EDIL3: variants seen among roughly 807,000 people sequenced by gnomAD.
EDIL3 encodes the protein EGF-like repeat and discoidin I-like domain-containing protein 3.
Under a neutral mutation model 67.4 loss-of-function variants are expected in EDIL3, and 37 were observed. The observed-to-expected ratio is 0.55, with a 90% CI of 0.42 to 0.72. The LOEUF is 0.72. EDIL3 is among the 30% of genes least tolerant of loss of function. The pLI is 0.00. For missense variants in EDIL3, 527 were observed against 586.3 expected (o/e 0.90, Z 1.04); for synonymous variants, 195 against 196.3 (o/e 0.99, Z 0.05).
At chr5:84,232,698 T>C (rs931789173) in intron 2 of EDIL3, among the ~76,000 whole-genome samples, 1 of 152,178 alleles carries the variant, frequency 6.6e-6, no homozygotes, top group Non-Finnish European at 1.5e-5. Flanking sequence ...GCTTCCTTGA[T>C]ATGGGTAGAT....
At chr5:84,217,632 C>G (rs1410678139) in intron 3 of EDIL3, among the ~76,000 whole-genome samples, 2 of 151,694 alleles carry the variant, frequency 1.3e-5, no homozygotes, top group Non-Finnish European at 2.9e-5. Flanking sequence ...CCTCTTTGCC[C>G]TACACATTTT....
intron 3 of EDIL3, among the ~76,000 whole-genome samples, chr5:84,182,487 C>G (rs966603023): frequency 1.3e-5 from 2 of 151,300 alleles, no homozygotes; most frequent in Non-Finnish European, 3.0e-5. Context: ...AACAAACAAA[C>G]AAACTTGTGA....
At chr5:84,247,267 C>T (rs1744926310) in intron 2 of EDIL3, among the ~76,000 whole-genome samples, 1 of 152,116 alleles carries the variant, frequency 6.6e-6, no homozygotes, top group Non-Finnish European at 1.5e-5. Flanking sequence ...AAAAATTTAA[C>T]TGAAATTTAC....
chr5:84,366,873 A>G lies in EDIL3; in HGVS notation c.67+17435T>C, dbSNP rs1394331552. Among the ~76,000 whole-genome samples the G allele has an allele frequency of 3.9e-5, 6 of 152,196 alleles. No homozygotes were observed. The East Asian group carries it at 7.7e-4, about 19-fold the overall frequency. On this transcript the variant is annotated intron_variant, in intron 1 of 10. Transcript: ENST00000296591. Reference sequence around the variant, plus strand: ...CCGTCTGGCATTTTTTCCAATACCAAGCTTAATAAAGTTAGTATAACATGT... The same window carrying G: ...CCGTCTGGCATTTTTTCCAATACCAGGCTTAATAAAGTTAGTATAACATGT...
chr5:84,155,609 T>C (rs910183494), intron 4 of EDIL3, among the ~76,000 whole-genome samples: 1 of 152,222 alleles, frequency 6.6e-6, no homozygotes, highest in Non-Finnish European at 1.5e-5. Flanking sequence ...TAAGCATATA[T>C]CTTCTATTTT....
intron 1 of EDIL3, among the ~76,000 whole-genome samples, chr5:84,325,984 C>G (rs1412122519): frequency 6.6e-6 from 1 of 152,080 alleles, no homozygotes; most frequent in Non-Finnish European, 1.5e-5. Context: ...ACCTCCAATG[C>G]AGCAGTTTTC....
At position 84,250,522 on chromosome 5, in the gene EDIL3, G is replaced by A. The variant is rs144018936; in HGVS notation, c.196+3562C>T. 1.5e-4 allele frequency among the ~76,000 whole-genome samples: 23 copies of A among 152,310 alleles called. No homozygotes were observed. In the East Asian group the frequency reaches 4.2e-3, roughly 28 times the overall value. Reference sequence around the variant, plus strand: ...GTTTTGTGCTTATCTGACATTATATGCTTTGTGAGGGAAGAATAAAAGTAC... The same window carrying A: ...GTTTTGTGCTTATCTGACATTATATACTTTGTGAGGGAAGAATAAAAGTAC... On this transcript the variant is annotated intron_variant, in intron 2 of 10. Coordinates refer to ENST00000296591, the MANE Select transcript of EDIL3 (RefSeq NM_005711.5).
intron 1 of EDIL3, among the ~76,000 whole-genome samples, chr5:84,277,819 T>C (rs906476478): frequency 9.2e-5 from 14 of 152,284 alleles, no homozygotes; most frequent in Admixed American, 7.2e-4. Flanking sequence ...GAAATCCTTT[T>C]CAATACAGGA....
At chr5:84,308,284 T>A (rs1177573999) in intron 1 of EDIL3, among the ~76,000 whole-genome samples, 7 of 152,170 alleles carry the variant, frequency 4.6e-5, no homozygotes, top group Non-Finnish European at 1.0e-4. Context: ...GCATTTGTTT[T>A]GAAAACGCTG....
At chr5:84,194,718 T>C (rs1016183950) in intron 3 of EDIL3, among the ~76,000 whole-genome samples, 22 of 151,942 alleles carry the variant, frequency 1.4e-4, no homozygotes, top group Admixed American at 3.9e-4. Flanking sequence ...GCATTATGCA[T>C]TTAAATTTGT....
intron 9 of EDIL3, among the ~76,000 whole-genome samples, chr5:84,034,359 CTG>C (rs562943689): frequency 6.6e-6 from 1 of 152,038 alleles, no homozygotes; most frequent in Admixed American, 6.5e-5. Flanking sequence ...GAAGGATATG[CTG>C]TGTGTGATTT....
At chr5:83,970,927 G>GAA (rs1744781102) in intron 9 of EDIL3, among the ~76,000 whole-genome samples, 1 of 151,214 alleles carries the variant, frequency 6.6e-6, no homozygotes, top group Non-Finnish European at 1.5e-5. Flanking sequence ...AGGTTTTCTT[G>GAA]AGTTATATTT....
At chr5:84,347,780 A>G (rs1210012952) in intron 1 of EDIL3, among the ~76,000 whole-genome samples, 2 of 152,254 alleles carry the variant, frequency 1.3e-5, no homozygotes, top group Non-Finnish European at 2.9e-5. Flanking sequence ...AGGAACTATC[A>G]TAGTTTCTAT....
chr5:83,973,407 T>C (rs997630677), intron 9 of EDIL3, among the ~76,000 whole-genome samples: 2 of 152,044 alleles, frequency 1.3e-5, no homozygotes, highest in African/African-American at 4.8e-5. Context: ...AGTAAATAAT[T>C]TGCATGTGAT....
chr5:83,987,421 T>C (rs1007595735), intron 9 of EDIL3, among the ~76,000 whole-genome samples: 2 of 152,192 alleles, frequency 1.3e-5, no homozygotes, highest in African/African-American at 4.8e-5. Flanking sequence ...GACTACCAAA[T>C]AGTGTTCTAT....
At chr5:83,990,783 A>G (rs1580268352) in intron 9 of EDIL3, among the ~76,000 whole-genome samples, 1 of 151,282 alleles carries the variant, frequency 6.6e-6, no homozygotes. Context: ...AGGAGGCTGA[A>G]ACAGGAGAAT....
chr5:84,327,457 A>C, intron 1 of EDIL3, among the ~76,000 whole-genome samples: 1 of 151,940 alleles, frequency 6.6e-6, no homozygotes, highest in East Asian at 1.9e-4. Context: ...GTTTGTTCAA[A>C]GAGATTAATG....
chr5:84,217,399 C>T (rs536199126), intron 3 of EDIL3, among the ~76,000 whole-genome samples: 12 of 152,248 alleles, frequency 7.9e-5, no homozygotes, highest in African/African-American at 2.4e-4. Flanking sequence ...GACTAGGCTA[C>T]GGTGCCCAAC....
Position 83,963,187 on chromosome 5 carries a change from C to T in EDIL3, c.1293+18G>A. On this transcript the variant is annotated intron_variant, in intron 10 of 10. Coordinates refer to ENST00000296591, the MANE Select transcript of EDIL3 (RefSeq NM_005711.5). Reference sequence around the variant, plus strand: ...ATCCTCCACTTCTGAACTTTATAAACCGATTTGGCTGACTTACCTTATCTT... The same window carrying T: ...ATCCTCCACTTCTGAACTTTATAAATCGATTTGGCTGACTTACCTTATCTT... 6.3e-7 allele frequency: 1 copy of T among 1,581,988 alleles called. No individual in the cohort carries two copies. The highest frequency in any genetic ancestry group is 8.6e-7 in the Non-Finnish European group (1 of 1,166,092).
Sources: gnomAD v4.1 joint callset for allele counts (sites outside exome capture counted in the v4.1 genomes callset) on GRCh38, gnomAD v4.1.1 for gene constraint, MANE v1.5 for transcripts, NCBI Gene and HGNC (gene_info 2026-07-23, HGNC 2026-07-21) for gene names.